Variants in MAGI1 observed in about 807,000 individuals in gnomAD.
MAGI1 encodes membrane-associated guanylate kinase, WW and PDZ domain-containing protein 1.
Under a neutral mutation model 139.9 loss-of-function variants are expected in MAGI1, and 58 were observed. The observed-to-expected ratio is 0.41, with a 90% CI of 0.34 to 0.52. MAGI1 has a LOEUF of 0.52. Among genes scored for constraint, MAGI1 ranks in the 20% least tolerant of loss-of-function variants. The pLI is 0.12. For missense variants in MAGI1, 1,874 were observed against 1,901.6 expected, an observed-to-expected ratio of 0.99 and a Z score of 0.27; for synonymous variants, 812 against 737.9, an observed-to-expected ratio of 1.10 and a Z score of -1.63.
intron 1 of MAGI1, among the ~76,000 whole-genome samples, chr3:65,733,790 G>C (rs572687854): frequency 1.6e-4 from 24 of 152,278 alleles, no homozygotes; most frequent in African/African-American, 5.8e-4. Flanking sequence ...TGCCTGCTCA[G>C]TCCAGAAGCA....
In MAGI1 at chr3:66,032,377, A is replaced by T. The variant is rs1436355503; in HGVS notation, c.313+5619T>A. Among the ~76,000 whole-genome samples the T allele has an allele frequency of 2.3e-5, 3 of 128,724 alleles. No individual in the cohort carries two copies. In the South Asian group the frequency reaches 7.3e-4, roughly 31 times the overall value. 84.4% of individuals were successfully genotyped at this position (128,724 alleles called of 152,430 possible). ...AGGCGCCCACCACCACGCCCGGCTA[A>T]TTTTTTTGTTTTTTTTTTTTTTTTA... On this transcript the variant is annotated intron_variant, in intron 1 of 22. Coordinates refer to ENST00000402939, the MANE Select transcript of MAGI1 (RefSeq NM_001033057.2).
intron 1 of MAGI1, among the ~76,000 whole-genome samples, chr3:66,023,802 T>C (rs987575912): frequency 6.6e-6 from 1 of 152,200 alleles, no homozygotes; most frequent in Non-Finnish European, 1.5e-5. Context: ...GGGCAGAGAA[T>C]AGATTCTATT....
chr3:65,629,943 T>A (rs1303155308), intron 1 of MAGI1, among the ~76,000 whole-genome samples: 2 of 152,160 alleles, frequency 1.3e-5, no homozygotes, highest in African/African-American at 4.8e-5. Context: ...CTTTATGTTA[T>A]ATATATTTAA....
intron 22 of MAGI1, chr3:65,359,146 A>G (rs147755685): frequency 1.1e-5 from 18 of 1,613,684 alleles, no homozygotes; most frequent in Non-Finnish European, 1.4e-5. Flanking sequence ...ATTAGGAGGT[A>G]TCATCGCTGT....
At chr3:65,610,283 C>CA (rs1472994435) in intron 2 of MAGI1, among the ~76,000 whole-genome samples, 1 of 151,984 alleles carries the variant, frequency 6.6e-6, no homozygotes, top group Non-Finnish European at 1.5e-5. Context: ...GAACATCAAA[C>CA]AAAAAAGTTA....
At chr3:65,957,247 G>A (rs1019734636) in intron 1 of MAGI1, among the ~76,000 whole-genome samples, 1 of 150,406 alleles carries the variant, frequency 6.6e-6, no homozygotes, top group African/African-American at 2.5e-5. Context: ...GGGCACACTA[G>A]CTCACATCTA....
intron 5 of MAGI1, among the ~76,000 whole-genome samples, chr3:65,454,281 A>G (rs1949232949): frequency 6.6e-6 from 1 of 151,990 alleles, no homozygotes. Context: ...TATTGCAAGA[A>G]CAAAAAACCA....
intron 14 of MAGI1, among the ~76,000 whole-genome samples, chr3:65,389,900 G>T (rs1383558197): frequency 1.3e-5 from 2 of 152,318 alleles, no homozygotes; most frequent in East Asian, 3.9e-4. Context: ...AGCCCTGAGT[G>T]ACTCCTAACA....
At chr3:65,610,948 G>GTATATACTATATAGTA (rs1553680123) in intron 2 of MAGI1, among the ~76,000 whole-genome samples, 2 of 131,508 alleles carry the variant, frequency 1.5e-5, no homozygotes, top group African/African-American at 5.7e-5. Flanking sequence ...ATAGTAGATA[G>GTATATACTATATAGTA]TATATACTAT....
chr3:65,555,092 G>C (rs542843792), intron 2 of MAGI1, among the ~76,000 whole-genome samples: 1 of 152,116 alleles, frequency 6.6e-6, no homozygotes, highest in South Asian at 2.1e-4. Context: ...GAATAAATGG[G>C]AACACGCCAT....
At chr3:65,391,490 C>T (rs1559518015) in intron 13 of MAGI1, 132 bp from the exon 14 acceptor site, 1 of 689,920 alleles carries the variant, frequency 1.4e-6, no homozygotes, top group Non-Finnish European at 2.4e-6. Context: ...TTGGCTCCCA[C>T]CTTTCTCCAG....
At chr3:65,985,383 C>T (rs1368315291) in intron 1 of MAGI1, among the ~76,000 whole-genome samples, 1 of 152,132 alleles carries the variant, frequency 6.6e-6, no homozygotes, top group African/African-American at 2.4e-5. Flanking sequence ...TGGTCATATG[C>T]AGAAATGTTC....
intron 1 of MAGI1, among the ~76,000 whole-genome samples, chr3:65,730,377 AC>A (rs2034063378): frequency 6.6e-6 from 1 of 152,188 alleles, no homozygotes; most frequent in South Asian, 2.1e-4. Flanking sequence ...AGATGCTACT[AC>A]CTTTCCAAGC....
intron 1 of MAGI1, among the ~76,000 whole-genome samples, chr3:65,706,597 A>G (rs1184292205): frequency 6.6e-6 from 1 of 152,218 alleles, no homozygotes; most frequent in Non-Finnish European, 1.5e-5. Flanking sequence ...TGAGGTGGTT[A>G]GGAGTCCAGA....
At chr3:65,488,001 A>G (rs1951733631) in intron 3 of MAGI1, among the ~76,000 whole-genome samples, 1 of 152,252 alleles carries the variant, frequency 6.6e-6, no homozygotes, top group Non-Finnish European at 1.5e-5. Flanking sequence ...GCCATAATGG[A>G]CAGTACAGAA....
chr3:65,654,779 G>A (rs1407559749), intron 1 of MAGI1, among the ~76,000 whole-genome samples: 2 of 152,128 alleles, frequency 1.3e-5, no homozygotes, highest in African/African-American at 4.8e-5. Context: ...GAACATCTGT[G>A]TGGGGCCCAC....
intron 12 of MAGI1, among the ~76,000 whole-genome samples, chr3:65,425,161 A>G (rs1036225593): frequency 7.3e-5 from 11 of 150,590 alleles, no homozygotes; most frequent in African/African-American, 2.4e-4. Flanking sequence ...CCTAAACATC[A>G]TACAATCTGT....
chr3:65,391,534 T>C (rs891067602), intron 13 of MAGI1, among the ~76,000 whole-genome samples, 176 bp from the exon 14 acceptor site: 2 of 152,204 alleles, frequency 1.3e-5, no homozygotes, highest in Admixed American at 1.3e-4. Flanking sequence ...CCCAGGTGAC[T>C]GGCAGACAAA....
At chr3:65,418,318 T>G (rs563822702) in intron 12 of MAGI1, among the ~76,000 whole-genome samples, 1 of 152,198 alleles carries the variant, frequency 6.6e-6, no homozygotes, top group Non-Finnish European at 1.5e-5. Context: ...ATTTCAGAAC[T>G]GTGCACAAAC....
Sources: allele counts gnomAD v4.1 joint callset (sites outside exome capture counted in the v4.1 genomes callset), GRCh38; gene constraint gnomAD v4.1.1; transcripts MANE v1.5; gene names NCBI Gene and HGNC (gene_info 2026-07-23, HGNC 2026-07-21).